SOX5: variants seen among roughly 807,000 people sequenced by gnomAD.
SOX5 encodes the protein transcription factor SOX-5.
Under a neutral mutation model 92.0 loss-of-function variants are expected in SOX5, and 9 were observed. That is an observed-to-expected ratio of 0.10 (90% CI 0.06 to 0.17). SOX5 has a LOEUF of 0.17. Among genes scored for constraint, SOX5 ranks in the 10% least tolerant of loss-of-function variants. SOX5 has a pLI of 1.00. For missense variants in SOX5, 642 were observed against 944.5 expected, an observed-to-expected ratio of 0.68 and a Z score of 4.20; for synonymous variants, 344 against 336.3, an observed-to-expected ratio of 1.02 and a Z score of -0.25.
At chr12:24,408,138 C>G (rs1234503482) in intron 1 of SOX5, among the ~76,000 whole-genome samples, 4 of 152,038 alleles carry the variant, frequency 2.6e-5, no homozygotes, top group African/African-American at 9.7e-5. Flanking sequence ...TGTCCAGGAA[C>G]AGCAAAAAAG....
At chr12:24,363,294 T>C (rs537180794) in intron 2 of SOX5, among the ~76,000 whole-genome samples, 171 of 152,246 alleles carry the variant, frequency 1.1e-3, no homozygotes, top group Admixed American at 2.9e-3. Flanking sequence ...ATATATTTAA[T>C]AGTTTCGCCT....
Position 23,827,662 on chromosome 12 carries a change from T to C in SOX5, c.481+18321A>G, listed in dbSNP as rs570178672. 1.5e-3 allele frequency among the ~76,000 whole-genome samples: 233 copies of C among 152,348 alleles called. 1 individual carries two copies. The highest frequency in any genetic ancestry group is 5.2e-3 in the African/African-American group (217 of 41,580). On this transcript the variant is annotated intron_variant, in intron 3 of 14. Coordinates refer to ENST00000451604, the MANE Select transcript of SOX5 (RefSeq NM_006940.6). ...CAGGTACCAGACAGTTGCTTGGCAC[T>C]GCGGATACAGTTCTCTACATATGAG...
chr12:23,949,281 A>T (rs1945144724), intron 1 of SOX5, among the ~76,000 whole-genome samples: 1 of 152,198 alleles, frequency 6.6e-6, no homozygotes, highest in Admixed American at 6.5e-5. Context: ...AGAAAGACAG[A>T]AGCAGCGAGT....
chr12:24,241,346 CTT>C (rs1384772826), intron 3 of SOX5, among the ~76,000 whole-genome samples: 3 of 152,260 alleles, frequency 2.0e-5, no homozygotes, highest in Non-Finnish European at 4.4e-5. Flanking sequence ...ACAAAAGCCT[CTT>C]TGTTTCTATT....
chr12:24,431,067 G>T (rs2137051173), intron 1 of SOX5, among the ~76,000 whole-genome samples: 1 of 152,288 alleles, frequency 6.6e-6, no homozygotes, highest in African/African-American at 2.4e-5. Flanking sequence ...GCAGAAGGTT[G>T]TCATATTTTT....
intron 4 of SOX5, among the ~76,000 whole-genome samples, chr12:24,194,358 A>G (rs889839175): frequency 6.6e-6 from 1 of 152,136 alleles, no homozygotes; most frequent in African/African-American, 2.4e-5. Flanking sequence ...TAAATATGGA[A>G]CCCATACACA....
chr12:23,907,130 A>C (rs1423259767), intron 1 of SOX5, among the ~76,000 whole-genome samples: 1 of 152,032 alleles, frequency 6.6e-6, no homozygotes, highest in Non-Finnish European at 1.5e-5. Context: ...TGTCAGGCCT[A>C]AGTTTGGGAG....
At chr12:24,507,466 T>C (rs892657436) in intron 1 of SOX5, among the ~76,000 whole-genome samples, 2 of 151,586 alleles carry the variant, frequency 1.3e-5, no homozygotes, top group Non-Finnish European at 2.9e-5. Context: ...CTGACCTACT[T>C]TCTGCAACAA....
chr12:24,027,982 C>T (rs570650061), intron 4 of SOX5, among the ~76,000 whole-genome samples: 1 of 152,028 alleles, frequency 6.6e-6, no homozygotes, highest in African/African-American at 2.4e-5. Flanking sequence ...CATTGTGCTC[C>T]CTGTTACTCT....
intron 4 of SOX5, among the ~76,000 whole-genome samples, chr12:24,037,988 T>C (rs1247908752): frequency 1.3e-5 from 2 of 152,136 alleles, no homozygotes; most frequent in African/African-American, 2.4e-5. Flanking sequence ...TAAATATTTT[T>C]AGGTTGCTTT....
rs142464974 is a variant in SOX5, at chr12:23,803,418, A to C, written c.481+42565T>G. Among the ~76,000 whole-genome samples the C allele has an allele frequency of 8.7e-4, 133 of 152,236 alleles. 2 individuals carry two copies. The highest frequency in any genetic ancestry group is 3.0e-3 in the African/African-American group (124 of 41,564). ...TTATCTTCACATACCATCTGTCACC[A>C]AGTCCCATTAATTTTTATCCTTCAA... On this transcript the variant is annotated intron_variant, in intron 3 of 14. Transcript: ENST00000451604.
chr12:24,191,360 G>A (rs936889605), intron 4 of SOX5, among the ~76,000 whole-genome samples: 2 of 152,080 alleles, frequency 1.3e-5, no homozygotes, highest in Admixed American at 6.6e-5. Flanking sequence ...TTTGGTTATC[G>A]GGTCTTTAAT....
intron 3 of SOX5, among the ~76,000 whole-genome samples, chr12:23,790,921 C>T (rs2095464726): frequency 6.6e-6 from 1 of 152,154 alleles, no homozygotes; most frequent in Non-Finnish European, 1.5e-5. Context: ...GAAAATGTTG[C>T]CTACATTCTT....
chr12:23,903,179 C>T (rs1262559642), intron 1 of SOX5, among the ~76,000 whole-genome samples: 1 of 152,022 alleles, frequency 6.6e-6, no homozygotes, highest in African/African-American at 2.4e-5. Flanking sequence ...AAGGTGCATG[C>T]CTTTTTAAAA....
rs933030739 is a variant in SOX5 at position 24,393,331 on chromosome 12, C to T, written c.-250-24692G>A. 2.6e-5 allele frequency among the ~76,000 whole-genome samples: 4 copies of T among 152,192 alleles called. No homozygotes were observed. The highest frequency in any genetic ancestry group is 9.7e-5 in the African/African-American group (4 of 41,436). ...TCTGCAGCAACAGCTGCTGCAAAAT[C>T]ATGCTGCTGACTTTTTGGGTTGTGG... On this transcript the variant is annotated intron_variant, in intron 1 of 4. Coordinates refer to the SOX5 transcript ENST00000446891. The surrounding 1 kb of genome is among the most constrained non-coding windows in gnomAD (Gnocchi z 5.0).
intron 4 of SOX5, among the ~76,000 whole-genome samples, chr12:24,010,553 G>A (rs1273142936): frequency 3.9e-5 from 6 of 152,230 alleles, no homozygotes; most frequent in East Asian, 3.9e-4. Context: ...CCAGGGCCAA[G>A]GAAGAAAGAT....
At chr12:23,720,389 T>C (rs908353252) in intron 6 of SOX5, among the ~76,000 whole-genome samples, 2 of 152,218 alleles carry the variant, frequency 1.3e-5, no homozygotes, top group African/African-American at 2.4e-5. Flanking sequence ...TAACAAGGTA[T>C]CAAAGAGGCC....
chr12:23,974,806 AC>A (rs1948732352), intron 4 of SOX5, among the ~76,000 whole-genome samples: 1 of 152,176 alleles, frequency 6.6e-6, no homozygotes, highest in Admixed American at 6.5e-5. Context: ...ATTAAGGAAA[AC>A]TGGTCAAAAA....
intron 1 of SOX5, among the ~76,000 whole-genome samples, chr12:24,375,263 G>A (rs771949199): frequency 3.3e-5 from 5 of 151,802 alleles, no homozygotes; most frequent in South Asian, 2.1e-4. Flanking sequence ...GTGAGCCACC[G>A]TGCCCTGCAA....
Sources: allele counts gnomAD v4.1 joint callset (sites outside exome capture counted in the v4.1 genomes callset), GRCh38; gene constraint gnomAD v4.1.1; non-coding constraint Gnocchi (gnomAD v3.1); transcripts MANE v1.5; gene names NCBI Gene and HGNC (gene_info 2026-07-23, HGNC 2026-07-21).